The following P2RY8 variants were observed in gnomAD, a reference collection of about 807,000 sequenced individuals.
P2RY8 encodes the protein P2Y receptor family member 8.
P2RY8 carries 6 observed loss-of-function variants against 10.0 expected under a neutral mutation model. That is an observed-to-expected ratio of 0.60 (90% confidence interval 0.33 to 1.19). P2RY8 has a LOEUF of 1.19. P2RY8 is among the 50% of genes most tolerant of loss of function. P2RY8 has a pLI of 0.04. For synonymous variants in P2RY8, 276 were observed against 252.5 expected (o/e 1.09, Z -0.88); for missense variants, 456 against 542.0 (o/e 0.84, Z 1.58).
intron 1 of P2RY8, among the ~76,000 whole-genome samples, chrX:1,480,992 C>A (rs754840952): frequency 1.1e-4 from 16 of 152,056 alleles, no homozygotes; most frequent in African/African-American, 3.9e-4. Context: ...CACTCCATGT[C>A]GTAGCTCATC....
At chrX:1,510,905 A>G (rs2149403433) in intron 1 of P2RY8, among the ~76,000 whole-genome samples, 1 of 151,236 alleles carries the variant, frequency 6.6e-6, no homozygotes, top group East Asian at 1.9e-4. Context: ...GAGGCCAGGC[A>G]CAGTGGCTCC....
chrX:1,532,491 A>G (rs1333215262), intron 1 of P2RY8, among the ~76,000 whole-genome samples: 3 of 116,616 alleles, frequency 2.6e-5, no homozygotes, highest in African/African-American at 6.9e-5. Flanking sequence ...ATATGTGTAT[A>G]TATACACATA....
chrX:1,506,456 TGCC>T (rs1569537942), intron 1 of P2RY8, among the ~76,000 whole-genome samples: 11 of 133,810 alleles, frequency 8.2e-5, no homozygotes, highest in African/African-American at 4.3e-4. Flanking sequence ...GAGAGAAGAC[TGCC>T]TCTTTGTCCT....
At chrX:1,533,229 T>C (rs2092493458) in intron 1 of P2RY8, among the ~76,000 whole-genome samples, 2 of 150,238 alleles carry the variant, frequency 1.3e-5, no homozygotes, top group Admixed American at 1.3e-4. Flanking sequence ...CCCCAAAACC[T>C]ATGGAAGTAA....
chrX:1,502,348 G>A (rs1472084391), intron 1 of P2RY8, among the ~76,000 whole-genome samples: 4 of 152,264 alleles, frequency 2.6e-5, no homozygotes, highest in Admixed American at 1.3e-4. Context: ...GGGTGGGGGT[G>A]GCAAACCTCC....
At chrX:1,493,626 G>C (rs1309996696) in intron 1 of P2RY8, among the ~76,000 whole-genome samples, 1 of 152,146 alleles carries the variant, frequency 6.6e-6, no homozygotes, top group African/African-American at 2.4e-5. Context: ...CCAAAGACAG[G>C]TGTGAAGAAG....
At chrX:1,529,107 G>A (rs1156414846) in intron 1 of P2RY8, among the ~76,000 whole-genome samples, 12 of 152,134 alleles carry the variant, frequency 7.9e-5, no homozygotes, top group African/African-American at 1.7e-4. Flanking sequence ...TACACACAGC[G>A]GGGCCCTTGG....
At chrX:1,523,705 C>G (rs1252484462) in intron 1 of P2RY8, among the ~76,000 whole-genome samples, 5 of 152,022 alleles carry the variant, frequency 3.3e-5, no homozygotes, top group Non-Finnish European at 5.9e-5. Context: ...TTTCTTGAGA[C>G]GGAGCCTCCC....
intron 1 of P2RY8, among the ~76,000 whole-genome samples, chrX:1,481,469 G>C (rs1241343120): frequency 6.6e-6 from 1 of 152,108 alleles, no homozygotes; most frequent in Non-Finnish European, 1.5e-5. Flanking sequence ...CGGCCAGGTA[G>C]TCACATTTTC....
At chrX:1,484,097 C>T (rs191893352) in intron 1 of P2RY8, among the ~76,000 whole-genome samples, 2 of 152,158 alleles carry the variant, frequency 1.3e-5, no homozygotes, top group Non-Finnish European at 2.9e-5. Context: ...AGCTGGGTTC[C>T]CCTAAACCCA....
rs1326059407 is a variant in P2RY8, at chrX:1,465,870, T to A, written c.689A>T (p.Glu230Val). The change falls in exon 2 of 2, where the codon GAG becomes GTG. Residue 230 changes from glutamate (E) to valine (V), a missense_variant. Physicochemically the swap from Glu to Val is moderately radical, Grantham distance 121 (BLOSUM62 -2). Coordinates refer to ENST00000381297, the MANE Select transcript of P2RY8 (RefSeq NM_178129.5). ...CAGGCCCACCGCGCGCCTCCGCTGCTCCCGGCCGTGCGCCTCCTCCGTGCG... is the reference window on the plus strand; with the variant it reads ...CAGGCCCACCGCGCGCCTCCGCTGCACCCGGCCGTGCGCCTCCTCCGTGCG... ...LLRTEEAHGR[E>V]QRRRAVGLAA... The A allele has an allele frequency of 1.2e-6, 2 of 1,612,336 alleles. No homozygotes were observed. Among genetic ancestry groups the A allele is most frequent in the Non-Finnish European group, 1.7e-6 (2 of 1,179,668 alleles).
At chrX:1,529,623 C>T (rs5948941) in intron 1 of P2RY8, among the ~76,000 whole-genome samples, 129,194 of 152,012 alleles carry the variant, frequency 0.85, 55,513 homozygotes, top group East Asian at 0.98. Context: ...GAGGCTGACA[C>T]CCTGCCTGAG....
chrX:1,498,268 T>A (rs1225108687), intron 1 of P2RY8, among the ~76,000 whole-genome samples: 1 of 151,212 alleles, frequency 6.6e-6, no homozygotes, highest in Non-Finnish European at 1.5e-5. Flanking sequence ...TAGCCGGGTG[T>A]GGTGGCGGGT....
intron 1 of P2RY8, among the ~76,000 whole-genome samples, chrX:1,476,152 G>A (rs749978628): frequency 1.3e-5 from 2 of 152,216 alleles, no homozygotes; most frequent in East Asian, 1.9e-4. Context: ...GACCTACAAG[G>A]GTCACAGGAA....
chrX:1,523,140 A>T (rs1414582334), intron 1 of P2RY8, among the ~76,000 whole-genome samples: 5 of 150,734 alleles, frequency 3.3e-5, no homozygotes, highest in South Asian at 2.1e-4. Context: ...TGAAAAAAAT[A>T]AAAAAAAGAT....
intron 1 of P2RY8, among the ~76,000 whole-genome samples, chrX:1,512,490 T>C (rs2092305688): frequency 7.7e-6 from 1 of 129,490 alleles, no homozygotes; most frequent in Non-Finnish European, 1.6e-5. Flanking sequence ...GAGGTTGCAG[T>C]GGGCTGAGAT....
rs766726831 is a variant in P2RY8 at position 1,487,036 on chromosome X, G to T, written c.-24-20454C>A. On this transcript the variant is annotated intron_variant, in intron 1 of 1. Transcript: ENST00000381297. ...GCCAGCCTGGCCTCCTCATCCCTCA[G>T]GTCCCTACCGGGGTGTCTGGGGCCG... 9.2e-5 allele frequency among the ~76,000 whole-genome samples: 14 copies of T among 152,334 alleles called. No homozygotes were observed. The South Asian group carries it at 2.9e-3, about 32-fold the overall frequency.
In P2RY8 at chrX:1,524,547, A is replaced by G. The variant is rs867339285; in HGVS notation, c.-25+12374T>C. ...CATCCATTCATCCATCCATCCATCCATCCATGCATGCATCCATCCATCCAT... is the reference window on the plus strand; with the variant it reads ...CATCCATTCATCCATCCATCCATCCGTCCATGCATGCATCCATCCATCCAT... On this transcript the variant is annotated intron_variant, in intron 1 of 1. Coordinates refer to ENST00000381297, the MANE Select transcript of P2RY8 (RefSeq NM_178129.5). Among the ~76,000 whole-genome samples the G allele has an allele frequency of 2.7e-5, 3 of 111,168 alleles. 1 individual carries two copies. The highest frequency in any genetic ancestry group is 1.1e-4 in the African/African-American group (3 of 28,094). 72.9% of individuals were successfully genotyped at this position (111,168 alleles called of 152,430 possible). A position where few individuals can be genotyped will look rare whatever the true frequency, so the allele number is the denominator to read the frequency against.
At chrX:1,508,002 C>A (rs749435714) in intron 1 of P2RY8, among the ~76,000 whole-genome samples, 1 of 152,144 alleles carries the variant, frequency 6.6e-6, no homozygotes, top group Non-Finnish European at 1.5e-5. Flanking sequence ...CCGCCTCCCC[C>A]ACCTCTTTCA....
Sources: allele counts gnomAD v4.1 joint callset (sites outside exome capture counted in the v4.1 genomes callset), GRCh38; gene constraint gnomAD v4.1.1; transcripts MANE v1.5; gene names NCBI Gene and HGNC (gene_info 2026-07-23, HGNC 2026-07-21).